The following RIMS2 variants were observed in gnomAD, a reference collection of about 807,000 sequenced individuals.
The protein encoded by RIMS2 is regulating synaptic membrane exocytosis protein 2.
Under a neutral mutation model 174.4 loss-of-function variants are expected in RIMS2, and 59 were observed. The observed-to-expected ratio is 0.34, with a 90% CI of 0.27 to 0.42. The LOEUF (loss-of-function observed/expected upper bound fraction) is 0.42. Ranked by LOEUF, RIMS2 falls within the 10% of genes least tolerant of loss-of-function variation. The pLI is 1.00. For missense variants in RIMS2, 1,620 were observed against 1,666.3 expected, an observed-to-expected ratio of 0.97 and a Z score of 0.48; for synonymous variants, 606 against 572.5, an observed-to-expected ratio of 1.06 and a Z score of -0.84.
chr8:103,764,758 AT>A (rs1297280352), intron 2 of RIMS2, among the ~76,000 whole-genome samples: 1 of 152,096 alleles, frequency 6.6e-6, no homozygotes, highest in African/African-American at 2.4e-5. Context: ...TTATTACCAT[AT>A]TTCCCCCAGA....
At chr8:103,741,782 T>TA (rs1156959839) in intron 2 of RIMS2, among the ~76,000 whole-genome samples, 1 of 152,140 alleles carries the variant, frequency 6.6e-6, no homozygotes, top group Non-Finnish European at 1.5e-5. Context: ...TAGAACTATA[T>TA]ATTTAGCTTT....
At chr8:104,153,045 A>G (rs886795928) in intron 19 of RIMS2, among the ~76,000 whole-genome samples, 3 of 152,172 alleles carry the variant, frequency 2.0e-5, no homozygotes, top group African/African-American at 7.2e-5. Flanking sequence ...ATGATTCTGG[A>G]TGATATCACA....
chr8:103,543,452 A>G (rs976494668), intron 1 of RIMS2, among the ~76,000 whole-genome samples: 1 of 152,214 alleles, frequency 6.6e-6, no homozygotes, highest in African/African-American at 2.4e-5. Context: ...TATAGATTTA[A>G]TGCAATCCCT....
At chr8:104,250,995 T>C (rs2140300782) in intron 22 of RIMS2, 29 bp from the exon 29 acceptor site, 1 of 1,601,244 alleles carries the variant, frequency 6.2e-7, no homozygotes, top group Non-Finnish European at 8.5e-7. Flanking sequence ...AGTTTATTGC[T>C]CATTCTCCTC....
intron 15 of RIMS2, among the ~76,000 whole-genome samples, chr8:103,968,761 A>G (rs1161479734): frequency 6.6e-6 from 1 of 152,162 alleles, no homozygotes; most frequent in Non-Finnish European, 1.5e-5. Context: ...TAAGAAAAAT[A>G]CAAGCTTTTG....
chr8:103,507,860 G>C (rs1044209020), intron 1 of RIMS2, among the ~76,000 whole-genome samples: 16 of 152,038 alleles, frequency 1.1e-4, no homozygotes, highest in African/African-American at 2.7e-4. Flanking sequence ...TACACAGAAG[G>C]CTTTGGATAG....
At chr8:104,160,829 AAAATCTAC>A (rs2098756521) in intron 19 of RIMS2, among the ~76,000 whole-genome samples, 1 of 152,226 alleles carries the variant, frequency 6.6e-6, no homozygotes, top group South Asian at 2.1e-4. Context: ...TTAGGATCTT[AAAATCTAC>A]TAGAGGAAAT....
chr8:103,701,269 T>C (rs1447317716), intron 2 of RIMS2, among the ~76,000 whole-genome samples: 2 of 152,160 alleles, frequency 1.3e-5, no homozygotes, highest in Non-Finnish European at 2.9e-5. Context: ...TGTATTTCAG[T>C]ATTTTTAAAT....
At chr8:104,003,739 A>G (rs1290959165) in intron 17 of RIMS2, among the ~76,000 whole-genome samples, 2 of 152,078 alleles carry the variant, frequency 1.3e-5, no homozygotes, top group Non-Finnish European at 2.9e-5. Context: ...ACTCTTCATA[A>G]ATGTTAAGGA....
intron 2 of RIMS2, among the ~76,000 whole-genome samples, chr8:103,742,323 C>T (rs564865587): frequency 1.3e-5 from 2 of 152,182 alleles, no homozygotes; most frequent in South Asian, 2.1e-4. Flanking sequence ...GGGCAAGTCT[C>T]TTAATGTGCC....
At chr8:104,226,055 C>T (rs2099186188) in intron 19 of RIMS2, among the ~76,000 whole-genome samples, 1 of 152,064 alleles carries the variant, frequency 6.6e-6, no homozygotes, top group South Asian at 2.1e-4. Flanking sequence ...GAGACACCCA[C>T]ACAGGATACA....
intron 1 of RIMS2, among the ~76,000 whole-genome samples, chr8:103,541,805 G>C (rs1842716751): frequency 2.6e-5 from 4 of 152,158 alleles, no homozygotes; most frequent in Admixed American, 1.3e-4. Flanking sequence ...TAAAATGTTG[G>C]GGAGGGGTGT....
At chr8:104,013,469 A>G (rs777924442) in exon 18 of RIMS2, 33 of 1,613,774 alleles carry the variant, frequency 2.0e-5, no homozygotes, top group Admixed American at 3.3e-5. Flanking sequence ...ATAGACAGCC[A>G]TATCACAGAT....
Position 103,978,135 on chromosome 8 carries a change from C to T in RIMS2, c.2927+2629C>T, listed in dbSNP as rs552202745. Among the ~76,000 whole-genome samples the T allele has an allele frequency of 5.9e-5, 9 of 152,218 alleles. No homozygotes were observed. In the South Asian group the frequency reaches 1.9e-3, roughly 32 times the overall value. On this transcript the variant is annotated intron_variant, in intron 16 of 23. Transcript: ENST00000504942. Reference sequence around the variant, plus strand: ...AGACATTCTATCACTTAAGAAATTCCGATGGTTTTAGGAACTCAAGACAAA... The same window carrying T: ...AGACATTCTATCACTTAAGAAATTCTGATGGTTTTAGGAACTCAAGACAAA...
intron 15 of RIMS2, 78 bp from the exon 18 acceptor site, chr8:103,975,267 ATTTTG>A: frequency 1.2e-6 from 1 of 800,344 alleles, no homozygotes. Flanking sequence ...TTTCACCAAC[ATTTTG>A]TTTTTGAGTA....
intron 14 of RIMS2, among the ~76,000 whole-genome samples, chr8:103,947,831 T>C (rs1184850650): frequency 6.6e-6 from 1 of 152,148 alleles, no homozygotes; most frequent in Non-Finnish European, 1.5e-5. Flanking sequence ...ATGACATCAA[T>C]AGGGAATTTT....
chr8:103,640,140 G>C (rs1389857379), intron 1 of RIMS2, among the ~76,000 whole-genome samples: 1 of 151,754 alleles, frequency 6.6e-6, no homozygotes, highest in East Asian at 1.9e-4. Context: ...TTTCTTTCAA[G>C]GAAATGGTCC....
chr8:104,251,332 T>G (rs929876729), intron 23 of RIMS2, among the ~76,000 whole-genome samples, 169 bp downstream of exon 29: 5 of 152,218 alleles, frequency 3.3e-5, no homozygotes, highest in African/African-American at 1.2e-4. Flanking sequence ...GTTGTCATTT[T>G]CTTTAAAGTG....
intron 19 of RIMS2, among the ~76,000 whole-genome samples, chr8:104,099,720 T>C (rs1377608919): frequency 6.6e-6 from 1 of 152,212 alleles, no homozygotes; most frequent in Non-Finnish European, 1.5e-5. Flanking sequence ...TTTAAGAATA[T>C]TAAGTCTTCT....
Sources: allele counts gnomAD v4.1 joint callset (sites outside exome capture counted in the v4.1 genomes callset), GRCh38; gene constraint gnomAD v4.1.1; transcripts MANE v1.5; gene names NCBI Gene and HGNC (gene_info 2026-07-23, HGNC 2026-07-21).